The following HTR4 variants were observed in gnomAD, a reference collection of about 807,000 sequenced individuals.
HTR4 encodes the protein 5-hydroxytryptamine receptor 4, also known as 5-hydroxytryptamine (serotonin) receptor 4, G protein-coupled.
A neutral mutation model predicts 36.8 loss-of-function variants in HTR4; 16 were observed. That is an observed-to-expected ratio of 0.43 (90% CI 0.29 to 0.66). HTR4 has a LOEUF of 0.66. Ranked by LOEUF, HTR4 falls within the 30% of genes least tolerant of loss-of-function variation. The pLI is 0.13. For missense variants in HTR4, 438 were observed against 490.9 expected (o/e 0.89, Z 1.02); for synonymous variants, 189 against 185.1 (o/e 1.02, Z -0.17).
At chr5:148,510,494 A>C (rs138077969) in intron 5 of HTR4, among the ~76,000 whole-genome samples, 2 of 152,228 alleles carry the variant, frequency 1.3e-5, no homozygotes, top group African/African-American at 4.8e-5. Flanking sequence ...TCTGCAGATC[A>C]GTAACATTAG....
intron 2 of HTR4, among the ~76,000 whole-genome samples, chr5:148,619,269 G>A (rs1477476158): frequency 2.6e-5 from 4 of 151,976 alleles, no homozygotes; most frequent in Non-Finnish European, 5.9e-5. Flanking sequence ...CCATTTTTAA[G>A]GTCCCTTCCA....
chr5:148,477,939 C>T (rs910409037), downstream of HTR4, among the ~76,000 whole-genome samples: 5 of 152,200 alleles, frequency 3.3e-5, no homozygotes, highest in African/African-American at 1.2e-4. Flanking sequence ...CTAACCTTCC[C>T]TAACTACTTC....
chr5:148,598,561 TA>T (rs1465526653), intron 2 of HTR4, among the ~76,000 whole-genome samples: 12 of 150,526 alleles, frequency 8.0e-5, no homozygotes, highest in Admixed American at 2.6e-4. Flanking sequence ...AAAAAAAAAA[TA>T]AAAAAAGCCA....
chr5:148,552,969 C>A (rs1310135174), intron 2 of HTR4, among the ~76,000 whole-genome samples: 2 of 152,170 alleles, frequency 1.3e-5, no homozygotes, highest in Non-Finnish European at 2.9e-5. Flanking sequence ...ATAGAGATTT[C>A]ACCTAGAGAA....
At chr5:148,630,316 G>A (rs1349088472) in intron 2 of HTR4, 2 of 152,166 alleles carry the variant, frequency 1.3e-5, no homozygotes, top group East Asian at 3.9e-4. Flanking sequence ...CTGGCTGTAT[G>A]GAATCCAGCA....
At chr5:148,520,299 T>C (rs2113791828) in intron 5 of HTR4, among the ~76,000 whole-genome samples, 1 of 152,266 alleles carries the variant, frequency 6.6e-6, no homozygotes, top group African/African-American at 2.4e-5. Flanking sequence ...TTTAGGTGAA[T>C]TAGGGTCCAT....
intron 2 of HTR4, among the ~76,000 whole-genome samples, chr5:148,555,001 T>C (rs1194062051): frequency 1.3e-5 from 2 of 151,946 alleles, no homozygotes; most frequent in African/African-American, 4.8e-5. Context: ...TGGGGCTTAA[T>C]ATCACTAAAT....
At chr5:148,553,935 T>C (rs1403081693) in intron 2 of HTR4, among the ~76,000 whole-genome samples, 2 of 152,236 alleles carry the variant, frequency 1.3e-5, no homozygotes, top group Non-Finnish European at 2.9e-5. Context: ...ACCAACAGTC[T>C]ATAGCAGCAT....
At chr5:148,473,833 C>T (rs568057454), downstream of HTR4, among the ~76,000 whole-genome samples, 8 of 152,136 alleles carry the variant, frequency 5.3e-5, no homozygotes, top group South Asian at 1.7e-3. Context: ...AATCACAATC[C>T]ATGTCTTTTT....
chr5:148,592,786 C>A (rs1201626248), intron 2 of HTR4, among the ~76,000 whole-genome samples: 2 of 151,782 alleles, frequency 1.3e-5, no homozygotes, highest in Non-Finnish European at 2.9e-5. Context: ...TCCTCTGTGC[C>A]CTATGTCCTT....
intron 5 of HTR4, among the ~76,000 whole-genome samples, chr5:148,459,682 C>T (rs1045768696): frequency 2.6e-5 from 4 of 152,112 alleles, no homozygotes; most frequent in African/African-American, 9.7e-5. Context: ...AGTGTCTTTA[C>T]CAAAGACATC....
At chr5:148,642,877 C>T (rs1753769624) in intron 1 of HTR4, among the ~76,000 whole-genome samples, 1 of 151,862 alleles carries the variant, frequency 6.6e-6, no homozygotes, top group Non-Finnish European at 1.5e-5. Flanking sequence ...GAATTTCTGC[C>T]TATAAATTAG....
chr5:148,471,439 G>A (rs1484625462), intron 5 of HTR4, among the ~76,000 whole-genome samples: 1 of 152,042 alleles, frequency 6.6e-6, no homozygotes, highest in East Asian at 1.9e-4. Flanking sequence ...TGCCTTCCTT[G>A]TAAAGGAAGG....
At chr5:148,586,410 C>T (rs1224492241) in intron 2 of HTR4, among the ~76,000 whole-genome samples, 1 of 151,868 alleles carries the variant, frequency 6.6e-6, no homozygotes, top group Non-Finnish European at 1.5e-5. Flanking sequence ...GATCCTGAAG[C>T]AAAGTTACTC....
chr5:148,574,906 A>T (rs989941393), intron 2 of HTR4, among the ~76,000 whole-genome samples: 3 of 152,122 alleles, frequency 2.0e-5, no homozygotes, highest in African/African-American at 7.2e-5. Flanking sequence ...ATGTCCTTAT[A>T]GTGGAGCTTA....
chr5:148,648,740 G>A (rs10077233), intron 1 of HTR4, among the ~76,000 whole-genome samples: 65 of 152,266 alleles, frequency 4.3e-4, no homozygotes, highest in African/African-American at 1.5e-3. Context: ...CTTCTGCTAT[G>A]ACTTCTTGGT....
chr5:148,585,499 G>T (rs575168087), intron 2 of HTR4, among the ~76,000 whole-genome samples: 21 of 152,306 alleles, frequency 1.4e-4, no homozygotes, highest in African/African-American at 5.1e-4. Context: ...GCTAGTCACT[G>T]TTGATATATG....
intron 2 of HTR4, chr5:148,628,819 A>T (rs535385255): frequency 1.2e-4 from 19 of 152,336 alleles, no homozygotes; most frequent in African/African-American, 4.6e-4. Context: ...TAAATAATTC[A>T]CAGCTTCAAT....
At chr5:148,564,568 C>T (rs1038620721) in intron 2 of HTR4, among the ~76,000 whole-genome samples, 3 of 152,120 alleles carry the variant, frequency 2.0e-5, no homozygotes, top group East Asian at 1.9e-4. Flanking sequence ...AAAGGGATTT[C>T]CCCCTTCATT....
Sources: allele counts gnomAD v4.1 joint callset (sites outside exome capture counted in the v4.1 genomes callset), GRCh38; gene constraint gnomAD v4.1.1; transcripts MANE v1.5; gene names NCBI Gene and HGNC (gene_info 2026-07-23, HGNC 2026-07-21).